Variants in TMEM9B observed in about 807,000 individuals in gnomAD.
TMEM9B encodes the protein transmembrane protein 9B.
A neutral mutation model predicts 23.5 loss-of-function variants in TMEM9B; 8 were observed. The observed-to-expected ratio is 0.34, with a 90% confidence interval of 0.20 to 0.61. The LOEUF (loss-of-function observed/expected upper bound fraction) is 0.61. TMEM9B is among the 20% of genes least tolerant of loss of function. The pLI is 0.78. For synonymous variants in TMEM9B, 106 were observed against 96.3 expected, an observed-to-expected ratio of 1.10 and a Z score of -0.59; for missense variants, 197 against 252.3, an observed-to-expected ratio of 0.78 and a Z score of 1.49.
intron 3 of TMEM9B, among the ~76,000 whole-genome samples, chr11:8,955,352 G>A (rs1853955410): frequency 6.6e-6 from 1 of 152,050 alleles, no homozygotes; most frequent in Non-Finnish European, 1.5e-5. Flanking sequence ...GATGGTTTGG[G>A]TATGATTCTA....
intron 1 of TMEM9B, among the ~76,000 whole-genome samples, chr11:8,963,774 G>A (rs1012503505): frequency 1.3e-5 from 2 of 152,166 alleles, no homozygotes; most frequent in African/African-American, 4.8e-5. Flanking sequence ...CTGTCAGATG[G>A]GGGCTTCCTA....
intron 4 of TMEM9B, 171 bp downstream of exon 4, chr11:8,953,031 AG>A: frequency 1.3e-6 from 1 of 742,874 alleles, no homozygotes; most frequent in Non-Finnish European, 2.3e-6. Flanking sequence ...GGCTTCATCA[AG>A]CAATTTCTTC....
chr11:8,957,476 C>T lies in TMEM9B; in HGVS notation c.198-1178G>A, dbSNP rs993661793. Among the ~76,000 whole-genome samples, 5 of 152,166 alleles carry T rather than the reference C, an allele frequency of 3.3e-5. No homozygotes were observed. Among genetic ancestry groups the T allele is most frequent in the African/African-American group, 1.2e-4 (5 of 41,440 alleles). On this transcript the variant is annotated intron_variant, in intron 2 of 4. Coordinates refer to ENST00000534025, the MANE Select transcript of TMEM9B (RefSeq NM_020644.3). The surrounding 1 kb of genome is among the most constrained non-coding windows in gnomAD (Gnocchi z 4.3). ...GCCAGCTGTTGGACAATTTTCTTTCCTTTTGGCATCTCTTCGTTAGGCATT... is the reference window on the plus strand; with the variant it reads ...GCCAGCTGTTGGACAATTTTCTTTCTTTTTGGCATCTCTTCGTTAGGCATT...
intron 2 of TMEM9B, among the ~76,000 whole-genome samples, chr11:8,959,484 G>A (rs1396486937): frequency 6.6e-6 from 1 of 152,180 alleles, no homozygotes; most frequent in African/African-American, 2.4e-5. Context: ...TGAACCTCGG[G>A]AAAATGAAAC....
intron 1 of TMEM9B, among the ~76,000 whole-genome samples, chr11:8,963,394 C>G (rs1034020890): frequency 1.3e-5 from 2 of 152,180 alleles, no homozygotes; most frequent in Non-Finnish European, 2.9e-5. Flanking sequence ...CTTCTGTTCT[C>G]CCCCAATGAT....
upstream of TMEM9B, chr11:8,964,463 G>T: frequency 7.0e-7 from 1 of 1,423,834 alleles, no homozygotes. Flanking sequence ...GCGTCACCGG[G>T]CGCGCCGGGT....
chr11:8,959,756 C>T (rs1350799892), intron 2 of TMEM9B, among the ~76,000 whole-genome samples: 1 of 152,142 alleles, frequency 6.6e-6, no homozygotes, highest in Non-Finnish European at 1.5e-5. Context: ...CAACACCTCC[C>T]CCTAGTGCCA....
chr11:8,962,866 A>G (rs1475748085), intron 1 of TMEM9B: 1 of 152,268 alleles, frequency 6.6e-6, no homozygotes, highest in African/African-American at 2.4e-5. Context: ...GATAGAGAAA[A>G]GAAGAGATGC....
intron 1 of TMEM9B, 29 bp from the exon 2 acceptor site, chr11:8,962,212 C>T (rs371311169): frequency 1.1e-5 from 16 of 1,426,396 alleles, no homozygotes; most frequent in East Asian, 2.4e-5. Flanking sequence ...CAGTATAGTG[C>T]GTTGACAGTT....
At chr11:8,956,471 T>C (rs1219059759) in intron 2 of TMEM9B, among the ~76,000 whole-genome samples, 173 bp from the exon 3 acceptor site, 1 of 152,162 alleles carries the variant, frequency 6.6e-6, no homozygotes, top group Non-Finnish European at 1.5e-5. Context: ...ATTAGCATTT[T>C]GGTAAGTTTT....
chr11:8,963,926 G>C (rs1433678947), intron 1 of TMEM9B: 2 of 474,504 alleles, frequency 4.2e-6, no homozygotes, highest in Non-Finnish European at 7.5e-6. Flanking sequence ...GGGCTGGGAA[G>C]GGAAATGTTA....
chr11:8,956,303 A>G lies in TMEM9B; in HGVS notation c.198-5T>C, dbSNP rs200317250. The G allele has an allele frequency of 4.2e-4, 671 of 1,612,246 alleles. No individual in the cohort carries two copies. The highest frequency in any genetic ancestry group is 5.4e-4 in the Non-Finnish European group (634 of 1,179,626). On this transcript the variant is annotated splice_polypyrimidine_tract_variant and splice_region_variant and intron_variant, in intron 2 of 4. Coordinates refer to ENST00000534025, the MANE Select transcript of TMEM9B (RefSeq NM_020644.3). Reference sequence around the variant, plus strand: ...TCCACAACATGAAGGCAATCACTGAAAAAACAAAGATAAAATGCTGCTTAA... The same window carrying G: ...TCCACAACATGAAGGCAATCACTGAGAAAACAAAGATAAAATGCTGCTTAA...
chr11:8,960,138 G>GTTTTTTTTT (rs10550659), intron 2 of TMEM9B, among the ~76,000 whole-genome samples: 2 of 83,702 alleles, frequency 2.4e-5, no homozygotes, highest in African/African-American at 8.5e-5. Context: ...CTTTGTTTCT[G>GTTTTTTTTT]TTTTTTTTTT....
rs1001192055 is a variant in TMEM9B at position 8,947,542 on chromosome 11, T to C, written c.*778A>G. 1.3e-5 allele frequency: 2 copies of C among 152,636 alleles called. No individual in the cohort carries two copies. The highest frequency in any genetic ancestry group is 4.8e-5 in the African/African-American group (2 of 41,464). 9.5% of individuals were successfully genotyped at this position (152,636 alleles called of 1,614,324 possible). A position where few individuals can be genotyped will look rare whatever the true frequency, so the allele number is the denominator to read the frequency against. ...AATTTCTTTATTGCAAGTGTCCAAG[T>C]CCTTAGGATTTGTCCTTAAAGGTAC... is the stretch of plus-strand genomic sequence containing the variant. On this transcript the variant is annotated 3_prime_UTR_variant, in exon 5 of 5. Coordinates refer to ENST00000534025, the MANE Select transcript of TMEM9B (RefSeq NM_020644.3).
chr11:8,962,159 A>G lies in TMEM9B; in HGVS notation c.130T>C (p.Cys44Arg). 1 of 1,604,556 alleles carries G rather than the reference A, an allele frequency of 6.2e-7. No individual in the cohort carries two copies. Residue 44 changes from cysteine to arginine, a missense_variant, in exon 2 of 5, where the codon TGT becomes CGT. By Grantham distance (180) the Cys-to-Arg change is radical (BLOSUM62 -3). This residue lies in a region of TMEM9B where 141 missense variants were observed against 214.1 expected (regional missense o/e 0.66). Transcript: ENST00000534025. Reference protein sequence around the residue: ...AKNFEDVRCKCICPPYKENSG... With the variant: ...AKNFEDVRCKRICPPYKENSG... ...TTTTCTTTATAGGGAGGGCAGATAC[A>G]TTTACATCTGACATCCTCGAAATTC...
At chr11:8,952,495 C>G (rs966404083) in intron 4 of TMEM9B, among the ~76,000 whole-genome samples, 1 of 151,970 alleles carries the variant, frequency 6.6e-6, no homozygotes, top group Non-Finnish European at 1.5e-5. Context: ...TCTGCAGCCT[C>G]AAACTCCTGG....
Position 8,948,439 on chromosome 11 carries a change from C to A in TMEM9B, c.478G>T (p.Ala160Ser). ...QPFANAHDVL[A>S]RSRSRANVLN... ...ACGTTGGCTCGACTGCGGGAGCGGG[C>A]TAGCACATCGTGTGCATTTGCAAAA... is the stretch of plus-strand genomic sequence containing the variant. Residue 160 changes from alanine (A) to serine (S), a missense_variant, in exon 5 of 5, where the codon GCC becomes TCC. By Grantham distance (99) the Ala-to-Ser change is moderately conservative. This residue lies in a region of TMEM9B where 141 missense variants were observed against 214.1 expected (regional missense o/e 0.66). Coordinates refer to ENST00000534025, the MANE Select transcript of TMEM9B (RefSeq NM_020644.3). 1 of 1,614,190 alleles carries A rather than the reference C, an allele frequency of 6.2e-7. No homozygotes were observed. Among genetic ancestry groups the A allele is most frequent in the Non-Finnish European group, 8.5e-7 (1 of 1,180,030 alleles).
At chr11:8,953,016 T>G in intron 4 of TMEM9B, 187 bp downstream of exon 4, 1 of 698,054 alleles carries the variant, frequency 1.4e-6, no homozygotes. Context: ...AATCATCACA[T>G]TTATGGCTTC....
In TMEM9B at chr11:8,962,101, TGA is replaced by T. The variant is rs1437228684; in HGVS notation, c.186_187del (p.Gln63GlufsTer4). The T allele has an allele frequency of 6.3e-7, 1 of 1,581,838 alleles. No homozygotes were observed. Among genetic ancestry groups the T allele is most frequent in the Non-Finnish European group, 8.6e-7 (1 of 1,162,534 alleles). On this transcript the variant is annotated frameshift_variant, in exon 2 of 5. Transcript: ENST00000534025. LOFTEE classifies it high-confidence loss of function. ...TAATCCAGATACTTACCAATCTTTC[TGA>T]GATATGTTCTTATTATAAATATGCC...
Sources: allele counts gnomAD v4.1 joint callset (sites outside exome capture counted in the v4.1 genomes callset), GRCh38; gene constraint gnomAD v4.1.1; regional missense constraint gnomAD v4.1.1; non-coding constraint Gnocchi (gnomAD v3.1); transcripts MANE v1.5; gene names NCBI Gene and HGNC (gene_info 2026-07-23, HGNC 2026-07-21).